The following RIPOR2 variants were observed in gnomAD, a reference collection of about 807,000 sequenced individuals.
RIPOR2 encodes RHO family interacting cell polarization regulator 2, also known as rho family-interacting cell polarization regulator 2.
Under a neutral mutation model 114.5 loss-of-function variants are expected in RIPOR2, and 39 were observed. That is an observed-to-expected ratio of 0.34 (90% CI 0.26 to 0.44). The LOEUF is 0.44. Among genes scored for constraint, RIPOR2 ranks in the 20% least tolerant of loss-of-function variants. The pLI is 1.00. For missense variants in RIPOR2, 1,007 were observed against 1,255.1 expected, an observed-to-expected ratio of 0.80 and a Z score of 2.99; for synonymous variants, 445 against 484.4, an observed-to-expected ratio of 0.92 and a Z score of 1.07.
At chr6:24,910,836 T>C (rs1208827885) in intron 1 of RIPOR2, 1 of 985,398 alleles carries the variant, frequency 1.0e-6, no homozygotes, top group African/African-American at 1.7e-5. Context: ...GACGGCTCCT[T>C]GTCATGTCAG....
In RIPOR2 at chr6:24,899,300, T is replaced by C. The variant is rs549436201; in HGVS notation, c.62-23483A>G. 1.2e-3 allele frequency among the ~76,000 whole-genome samples: 177 copies of C among 152,318 alleles called. 4 individuals are homozygous for C. The South Asian group carries it at 0.034, about 30-fold the overall frequency. Reference sequence around the variant, plus strand: ...ATGGGGCCCATGAAGATAGCTTCTTTTGCACTGATTTGAAAAATGGGCACT... The same window carrying C: ...ATGGGGCCCATGAAGATAGCTTCTTCTGCACTGATTTGAAAAATGGGCACT... On this transcript the variant is annotated intron_variant, in intron 1 of 21. Transcript: ENST00000643898.
intron 1 of RIPOR2, among the ~76,000 whole-genome samples, chr6:24,880,110 C>T (rs1766209210): frequency 6.6e-6 from 1 of 152,176 alleles, no homozygotes; most frequent in African/African-American, 2.4e-5. Flanking sequence ...ACATACTAAT[C>T]CTTTAACAGG....
chr6:24,839,648 AAAAAC>A (rs1242563567), intron 13 of RIPOR2: 1 of 1,540,740 alleles, frequency 6.5e-7, no homozygotes. Flanking sequence ...AAAAAAAACA[AAAAAC>A]AAAACCATGT....
intron 1 of RIPOR2, chr6:25,023,484 A>G (rs1776430787): frequency 2.6e-6 from 2 of 768,472 alleles, no homozygotes; most frequent in Admixed American, 1.7e-5. Flanking sequence ...TTGGCGATGC[A>G]GTGGCGGACA....
At chr6:24,992,198 T>C (rs74539369) in intron 1 of RIPOR2, among the ~76,000 whole-genome samples, 2,762 of 152,272 alleles carry the variant, frequency 0.018, 70 homozygotes, top group African/African-American at 0.061. Flanking sequence ...GAGGAGATCC[T>C]TCCTTTGGAG....
intron 1 of RIPOR2, among the ~76,000 whole-genome samples, chr6:24,970,859 G>T (rs780478122): frequency 7.9e-5 from 12 of 151,910 alleles, no homozygotes; most frequent in Middle Eastern, 3.4e-3. Context: ...TTTGAATTCT[G>T]GAGTCACTAG....
At chr6:24,871,942 C>A (rs898414181) in intron 4 of RIPOR2, among the ~76,000 whole-genome samples, 1 of 152,188 alleles carries the variant, frequency 6.6e-6, no homozygotes, top group African/African-American at 2.4e-5. Flanking sequence ...ATCCTAACAT[C>A]AGTAGAACAT....
At chr6:24,988,003 G>A (rs1774610095) in intron 1 of RIPOR2, among the ~76,000 whole-genome samples, 1 of 152,150 alleles carries the variant, frequency 6.6e-6, no homozygotes, top group South Asian at 2.1e-4. Context: ...CTCAGTAACA[G>A]ATGATACCTA....
intron 7 of RIPOR2, among the ~76,000 whole-genome samples, chr6:24,862,453 T>C (rs1273085604): frequency 6.6e-6 from 1 of 152,236 alleles, no homozygotes; most frequent in Non-Finnish European, 1.5e-5. Flanking sequence ...CTGATTCTTC[T>C]ATGTTTCGTT....
chr6:25,031,800 TATA>T (rs1776995546), intron 1 of RIPOR2, among the ~76,000 whole-genome samples: 1 of 139,282 alleles, frequency 7.2e-6, no homozygotes, highest in Non-Finnish European at 1.5e-5. Flanking sequence ...ATAGAATATA[TATA>T]ATATCCATAG....
At chr6:24,927,254 C>T (rs796523230) in intron 1 of RIPOR2, among the ~76,000 whole-genome samples, 9 of 15,976 alleles carry the variant, frequency 5.6e-4, no homozygotes, top group Non-Finnish European at 9.8e-4. Flanking sequence ...ATCACCACCA[C>T]CACCACCACC....
chr6:24,870,073 G>GAA (rs767168234), intron 5 of RIPOR2, among the ~76,000 whole-genome samples: 1 of 151,790 alleles, frequency 6.6e-6, no homozygotes, highest in Non-Finnish European at 1.5e-5. Context: ...AAAAGAAAGA[G>GAA]AAAAAAAATC....
At position 24,805,942 on chromosome 6, in the gene RIPOR2, T is replaced by A. The variant is rs1227829413; in HGVS notation, c.*431A>T. The A allele has an allele frequency of 6.1e-6, 1 of 162,964 alleles. No individual in the cohort carries two copies. The highest frequency in any genetic ancestry group is 2.4e-5 in the African/African-American group (1 of 41,538). 10.1% of individuals were successfully genotyped at this position (162,964 alleles called of 1,614,324 possible). On this transcript the variant is annotated 3_prime_UTR_variant, in exon 22 of 22. Coordinates refer to ENST00000643898, the MANE Select transcript of RIPOR2 (RefSeq NM_001286445.3). ...GAATTCTTTCTATAACATGTTTTTT[T>A]AGTTGTTGTTGTTGTTTTGTTTTTT...
At chr6:25,024,218 G>C (rs1326121486) in intron 1 of RIPOR2, 16 of 1,509,844 alleles carry the variant, frequency 1.1e-5, no homozygotes, top group Middle Eastern at 2.4e-4. Flanking sequence ...AGGTGCCCAG[G>C]AGGTAGCGGT....
chr6:24,844,902 C>T (rs2113744802), intron 12 of RIPOR2, among the ~76,000 whole-genome samples: 1 of 152,044 alleles, frequency 6.6e-6, no homozygotes. Context: ...TGGGAATAAG[C>T]CCGGCAAATA....
At chr6:24,950,559 G>A (rs1772696756) in intron 1 of RIPOR2, among the ~76,000 whole-genome samples, 1 of 152,162 alleles carries the variant, frequency 6.6e-6, no homozygotes, top group Non-Finnish European at 1.5e-5. Flanking sequence ...CAGTGTGTCT[G>A]TCCTCACTTT....
intron 1 of RIPOR2, among the ~76,000 whole-genome samples, chr6:24,950,474 G>A (rs900661495): frequency 6.6e-6 from 1 of 152,122 alleles, no homozygotes; most frequent in African/African-American, 2.4e-5. Flanking sequence ...TGACAATAAA[G>A]GCACATTTTC....
chr6:24,992,656 T>C (rs1581922854), intron 1 of RIPOR2, among the ~76,000 whole-genome samples: 1 of 152,170 alleles, frequency 6.6e-6, no homozygotes, highest in South Asian at 2.1e-4. Context: ...GCAATTTACA[T>C]ATTCAATGCT....
chr6:24,938,636 G>A (rs564052724), upstream of RIPOR2, among the ~76,000 whole-genome samples: 3 of 152,238 alleles, frequency 2.0e-5, no homozygotes, highest in African/African-American at 7.2e-5. Flanking sequence ...GGCTCAATGG[G>A]GATAGAGAAT....
Sources: allele counts gnomAD v4.1 joint callset (sites outside exome capture counted in the v4.1 genomes callset), GRCh38; gene constraint gnomAD v4.1.1; transcripts MANE v1.5; gene names NCBI Gene and HGNC (gene_info 2026-07-23, HGNC 2026-07-21).